BBS9: variants seen among roughly 807,000 people sequenced by gnomAD.
The protein encoded by BBS9 is protein PTHB1.
In BBS9, 89 loss-of-function variants were observed where a neutral mutation model predicts 117.7. That is an observed-to-expected ratio of 0.76 (90% CI 0.64 to 0.90). The LOEUF is 0.90. Among genes scored for constraint, BBS9 ranks in the 40% least tolerant of loss-of-function variants. The pLI is 0.00. For missense variants in BBS9, 982 were observed against 1,042.2 expected, an observed-to-expected ratio of 0.94 and a Z score of 0.80; for synonymous variants, 379 against 370.9, an observed-to-expected ratio of 1.02 and a Z score of -0.25.
intron 9 of BBS9, among the ~76,000 whole-genome samples, chr7:33,318,901 A>G (rs1811098629): frequency 6.6e-6 from 1 of 152,110 alleles, no homozygotes; most frequent in Admixed American, 6.6e-5. Flanking sequence ...ACAGTGGCTC[A>G]CTCCTGTAAT....
chr7:33,554,279 C>T (rs1380434415), intron 21 of BBS9, among the ~76,000 whole-genome samples: 1 of 152,110 alleles, frequency 6.6e-6, no homozygotes, highest in Non-Finnish European at 1.5e-5. Context: ...TGATTTATGC[C>T]TTTAAAAATT....
At chr7:33,586,883 C>T (rs1368127621) in intron 21 of BBS9, among the ~76,000 whole-genome samples, 4 of 152,042 alleles carry the variant, frequency 2.6e-5, no homozygotes, top group Admixed American at 2.0e-4. Flanking sequence ...TCAATAGACA[C>T]TGCAGAATGT....
intron 1 of BBS9, among the ~76,000 whole-genome samples, chr7:33,131,419 T>A (rs1329656021): frequency 6.6e-6 from 1 of 152,250 alleles, no homozygotes; most frequent in African/African-American, 2.4e-5. Flanking sequence ...TATTTTGCCC[T>A]TTGAGTCTTT....
rs187392875 is a variant in BBS9 at position 33,372,860 on chromosome 7, A to G, written c.1789+4998A>G. 2.4e-3 allele frequency among the ~76,000 whole-genome samples: 358 copies of G among 152,114 alleles called. 3 individuals are homozygous for G. Among genetic ancestry groups the G allele is most frequent in the African/African-American group, 8.3e-3 (345 of 41,512 alleles). ...CGTTATTGCTCTGTTCAGATTTTCT[A>G]TTTCTTCCTAGTTCAATCTTGGTAG... On this transcript the variant is annotated intron_variant, in intron 17 of 22. Transcript: ENST00000242067.
intron 9 of BBS9, among the ~76,000 whole-genome samples, chr7:33,294,682 G>A (rs1804897710): frequency 6.6e-6 from 1 of 152,128 alleles, no homozygotes; most frequent in Non-Finnish European, 1.5e-5. Flanking sequence ...TCATAGTCAT[G>A]CTTGTATATT....
At chr7:33,574,711 A>C in intron 21 of BBS9, among the ~76,000 whole-genome samples, 1 of 147,190 alleles carries the variant, frequency 6.8e-6, no homozygotes, top group South Asian at 2.2e-4. Flanking sequence ...ACACACACAC[A>C]CACACACACA....
intron 6 of BBS9, among the ~76,000 whole-genome samples, chr7:33,261,390 A>C (rs765297648): frequency 1.3e-5 from 2 of 152,312 alleles, no homozygotes; most frequent in Non-Finnish European, 2.9e-5. Flanking sequence ...AGAACTGATA[A>C]AAGAGTGAAA....
chr7:33,255,037 T>C (rs1221183351), intron 5 of BBS9, among the ~76,000 whole-genome samples: 2 of 152,174 alleles, frequency 1.3e-5, no homozygotes, highest in African/African-American at 4.8e-5. Flanking sequence ...TGTGTGAGCT[T>C]CTTATATCTT....
At chr7:33,436,808 A>C (rs1835370154) in intron 19 of BBS9, among the ~76,000 whole-genome samples, 1 of 152,260 alleles carries the variant, frequency 6.6e-6, no homozygotes, top group Non-Finnish European at 1.5e-5. Flanking sequence ...AATGTTAGTA[A>C]GTGTTCTCAT....
At chr7:33,426,040 G>A (rs1045197318) in intron 19 of BBS9, among the ~76,000 whole-genome samples, 2 of 151,716 alleles carry the variant, frequency 1.3e-5, no homozygotes, top group East Asian at 2.1e-4. Flanking sequence ...AAGTTTATAA[G>A]GTCCAGTTTG....
chr7:33,611,630 ATAT>A (rs77462907), intron 21 of BBS9, among the ~76,000 whole-genome samples: 15,569 of 129,240 alleles, frequency 0.12, 1,439 homozygotes, highest in East Asian at 0.3. Context: ...TTATTTAATA[ATAT>A]TATTATATAA....
At chr7:33,238,418 G>A (rs1793901591) in intron 5 of BBS9, among the ~76,000 whole-genome samples, 3 of 152,114 alleles carry the variant, frequency 2.0e-5, no homozygotes, top group Non-Finnish European at 2.9e-5. Flanking sequence ...AGCCTCCTGA[G>A]TAGCTGGGAT....
chr7:33,408,547 G>A (rs1040349037), intron 19 of BBS9, among the ~76,000 whole-genome samples: 9 of 152,188 alleles, frequency 5.9e-5, no homozygotes, highest in African/African-American at 1.9e-4. Flanking sequence ...GCTGGGAGCT[G>A]TAGACTGGAG....
chr7:33,405,217 C>T (rs919318475), intron 19 of BBS9, among the ~76,000 whole-genome samples: 13 of 152,150 alleles, frequency 8.5e-5, no homozygotes, highest in Non-Finnish European at 1.3e-4. Context: ...GGTGGATAAG[C>T]TTTTTGATGT....
chr7:33,365,567 A>G (rs538501636), intron 16 of BBS9, among the ~76,000 whole-genome samples: 1 of 152,196 alleles, frequency 6.6e-6, no homozygotes, highest in Non-Finnish European at 1.5e-5. Flanking sequence ...CCACCAGGGA[A>G]ATCATGGCCA....
At chr7:33,368,636 G>A (rs538893504) in intron 17 of BBS9, among the ~76,000 whole-genome samples, 10 of 147,830 alleles carry the variant, frequency 6.8e-5, no homozygotes, top group African/African-American at 2.3e-4. Context: ...CCTTGAAATA[G>A]TCTGGCTCAG....
At chr7:33,623,287 A>G (rs1252975366) in intron 21 of BBS9, among the ~76,000 whole-genome samples, 2 of 152,182 alleles carry the variant, frequency 1.3e-5, no homozygotes, top group African/African-American at 2.4e-5. Flanking sequence ...ATTGGAAAAA[A>G]AAAACCTAAT....
intron 19 of BBS9, among the ~76,000 whole-genome samples, chr7:33,496,781 T>C (rs1042406743): frequency 6.6e-6 from 1 of 152,248 alleles, no homozygotes; most frequent in Non-Finnish European, 1.5e-5. Flanking sequence ...GAATTAGTTA[T>C]AAGCTTGCTA....
chr7:33,281,994 T>C (rs1802000848), intron 9 of BBS9, among the ~76,000 whole-genome samples: 1 of 151,836 alleles, frequency 6.6e-6, no homozygotes, highest in Non-Finnish European at 1.5e-5. Flanking sequence ...AAAAAAAAAT[T>C]TGTAGAGATA....
Sources: gnomAD v4.1 joint callset for allele counts (sites outside exome capture counted in the v4.1 genomes callset) on GRCh38, gnomAD v4.1.1 for gene constraint, MANE v1.5 for transcripts, NCBI Gene and HGNC (gene_info 2026-07-23, HGNC 2026-07-21) for gene names.